AGFG1: variants seen among roughly 807,000 people sequenced by gnomAD.
AGFG1 encodes arf-GAP domain and FG repeat-containing protein 1.
A neutral mutation model predicts 60.6 loss-of-function variants in AGFG1; 10 were observed. That is an observed-to-expected ratio of 0.16 (90% CI 0.10 to 0.28). The LOEUF is 0.28. Among genes scored for constraint, AGFG1 ranks in the 10% least tolerant of loss-of-function variants. The probability of loss-of-function intolerance (pLI) is 1.00; values close to 1 mark genes in which losing one functional copy is unlikely to be tolerated. For missense variants in AGFG1, 537 were observed against 676.5 expected, an observed-to-expected ratio of 0.79 and a Z score of 2.29; for synonymous variants, 247 against 242.9, an observed-to-expected ratio of 1.02 and a Z score of -0.16.
chr2:227,474,088 A>G (rs1690209725), intron 1 of AGFG1, among the ~76,000 whole-genome samples: 2 of 152,230 alleles, frequency 1.3e-5, no homozygotes, highest in South Asian at 4.1e-4. Context: ...AGTTAATAAT[A>G]TTCTCGAATT....
rs546987888 is a variant in AGFG1, at chr2:227,497,761, T to TTTTG, written c.261+6121_261+6122insTTTG. Among the ~76,000 whole-genome samples the TTTTG allele has an allele frequency of 8.3e-3, 543 of 65,098 alleles. 20 individuals carry two copies. Among genetic ancestry groups the TTTTG allele is most frequent in the Admixed American group, 0.013 (62 of 4,668 alleles). The allele number at this position is 65,098 out of a possible 152,430, so 42.7% of individuals were successfully genotyped here. The stretch of plus-strand genomic sequence containing the variant: ...TTTTTTTTTTTTTTTTTTTTTTTTT[T>TTTTG]GGGGACGGAGTCTTACTCTGTCGCC... On this transcript the variant is annotated intron_variant, in intron 2 of 12. Coordinates refer to ENST00000310078, the MANE Select transcript of AGFG1 (RefSeq NM_004504.5).
Position 227,472,493 on chromosome 2 carries a change from G to A in AGFG1, c.72G>A (p.Pro24=), listed in dbSNP as rs1281874384. The change falls in exon 1 of 13, where the codon CCG becomes CCA. Residue 24 remains proline (P), a synonymous_variant. Coordinates refer to ENST00000310078, the MANE Select transcript of AGFG1 (RefSeq NM_004504.5). The part of the protein sequence containing the change: ...LKMLRDMTGL[P]HNRKCFDCDQ... Reference sequence around the variant, plus strand: ...TGCTGCGGGACATGACCGGCCTCCCGCACAACCGAAAGTGCTTCGACTGCG... The same window carrying A: ...TGCTGCGGGACATGACCGGCCTCCCACACAACCGAAAGTGCTTCGACTGCG... The A allele has an allele frequency of 1.9e-6, 3 of 1,580,016 alleles. No homozygotes were observed. The highest frequency in any genetic ancestry group is 2.8e-5 in the African/African-American group (2 of 71,634).
chr2:227,489,539 C>T (rs1690739646), intron 1 of AGFG1, among the ~76,000 whole-genome samples: 1 of 151,924 alleles, frequency 6.6e-6, no homozygotes. Flanking sequence ...AGAGTTTTAC[C>T]AGAATAAAAT....
At chr2:227,476,449 A>G (rs1421484313) in intron 1 of AGFG1, among the ~76,000 whole-genome samples, 1 of 152,232 alleles carries the variant, frequency 6.6e-6, no homozygotes, top group African/African-American at 2.4e-5. Context: ...AGCCTTAAAA[A>G]GTGATCCATA....
At chr2:227,483,602 A>C (rs1171806010) in intron 1 of AGFG1, among the ~76,000 whole-genome samples, 2 of 152,090 alleles carry the variant, frequency 1.3e-5, no homozygotes, top group Non-Finnish European at 2.9e-5. Flanking sequence ...GCCTTTTTTC[A>C]CTCAACATAT....
Position 227,546,511 on chromosome 2 carries a change from G to T in AGFG1, c.1379-5448G>T, listed in dbSNP as rs560492292. Among the ~76,000 whole-genome samples the T allele has an allele frequency of 4.6e-5, 7 of 152,294 alleles. No homozygotes were observed. In the South Asian group the frequency reaches 1.4e-3, roughly 32 times the overall value. The stretch of plus-strand genomic sequence containing the variant: ...TACACCCACTGTCCAACCAGTCCCA[G>T]TGAGATGAACCCAGTACCTCAGTTG... On this transcript the variant is annotated intron_variant, in intron 10 of 12. Transcript: ENST00000310078.
At position 227,477,841 on chromosome 2, in the gene AGFG1, C is replaced by T. The variant is rs1452117394; in HGVS notation, c.167+5253C>T. 3.3e-5 allele frequency among the ~76,000 whole-genome samples: 5 copies of T among 152,116 alleles called. 1 individual carries two copies. The highest frequency in any genetic ancestry group is 6.8e-3 in the Middle Eastern group (2 of 294). ...GCCAGGCTGGTCTTGAACTTCTGAC[C>T]TCAGGTGATCCACCTACCTCGGCCT... On this transcript the variant is annotated intron_variant, in intron 1 of 12. Coordinates refer to ENST00000310078, the MANE Select transcript of AGFG1 (RefSeq NM_004504.5).
At chr2:227,538,119 G>C (rs1575108626) in intron 10 of AGFG1, among the ~76,000 whole-genome samples, 2 of 152,184 alleles carry the variant, frequency 1.3e-5, no homozygotes, top group African/African-American at 4.8e-5. Flanking sequence ...TGTGTGATAT[G>C]TGCAGTGTTT....
Position 227,520,200 on chromosome 2 carries a change from T to C in AGFG1, c.377+137T>C, listed in dbSNP as rs1691784535. On this transcript the variant is annotated intron_variant, in intron 3 of 12. Coordinates refer to ENST00000310078, the MANE Select transcript of AGFG1 (RefSeq NM_004504.5). ...GGTATATAATTCATTATCCCTTGGC[T>C]TTTTGTTGGTTTGGTTTCTGAAAAC... 1.2e-5 allele frequency: 6 copies of C among 516,326 alleles called. No homozygotes were observed. The East Asian group carries it at 2.2e-4, about 19-fold the overall frequency. The allele number at this position is 516,326 out of a possible 1,614,324, so 32.0% of individuals were successfully genotyped here.
At chr2:227,513,927 A>C (rs1691574195) in intron 2 of AGFG1, among the ~76,000 whole-genome samples, 1 of 152,184 alleles carries the variant, frequency 6.6e-6, no homozygotes, top group Admixed American at 6.5e-5. Context: ...TTGAAGCATT[A>C]TGGGGAATCC....
At chr2:227,538,614 G>T (rs1411743095) in intron 10 of AGFG1, among the ~76,000 whole-genome samples, 1 of 152,210 alleles carries the variant, frequency 6.6e-6, no homozygotes. Context: ...CTTGCTGGCA[G>T]GTTTGTTGTA....
intron 3 of AGFG1, among the ~76,000 whole-genome samples, 187 bp from the exon 4 acceptor site, chr2:227,523,575 AT>A (rs779153588): frequency 3.9e-5 from 6 of 152,168 alleles, no homozygotes; most frequent in Non-Finnish European, 8.8e-5. Flanking sequence ...TATTTCAAAT[AT>A]TTAATGGGTG....
At chr2:227,526,539 C>CTTTTTT (rs777649930) in intron 5 of AGFG1, among the ~76,000 whole-genome samples, 1 of 92,486 alleles carries the variant, frequency 1.1e-5, no homozygotes, top group African/African-American at 4.4e-5. Flanking sequence ...TGCCCAGCCT[C>CTTTTTT]TTTTTTTTTT....
At chr2:227,533,783 TACAA>T in intron 7 of AGFG1, 25 bp downstream of exon 7, 1 of 1,595,002 alleles carries the variant, frequency 6.3e-7, no homozygotes, top group Non-Finnish European at 8.6e-7. Flanking sequence ...GCAAAACAAA[TACAA>T]ATTTGTGTTA....
chr2:227,480,380 G>A (rs1024355076), intron 1 of AGFG1, among the ~76,000 whole-genome samples: 8 of 151,914 alleles, frequency 5.3e-5, no homozygotes, highest in Non-Finnish European at 1.2e-4. Context: ...AAAAATTCTT[G>A]TCTTTCCATA....
chr2:227,532,365 CA>C (rs1414094620), intron 6 of AGFG1, among the ~76,000 whole-genome samples: 1 of 152,072 alleles, frequency 6.6e-6, no homozygotes, highest in African/African-American at 2.4e-5. Context: ...AGTTAGAGAA[CA>C]CAATAGTAGA....
At chr2:227,521,916 T>C (rs1430384371) in intron 3 of AGFG1, among the ~76,000 whole-genome samples, 1 of 152,168 alleles carries the variant, frequency 6.6e-6, no homozygotes, top group Non-Finnish European at 1.5e-5. Context: ...AATAGAGACT[T>C]CAAGTGGTGG....
intron 10 of AGFG1, among the ~76,000 whole-genome samples, chr2:227,545,287 G>C (rs985413569): frequency 6.6e-6 from 1 of 152,048 alleles, no homozygotes; most frequent in Non-Finnish European, 1.5e-5. Flanking sequence ...CATAGTTCTT[G>C]TGCCATGGTT....
intron 10 of AGFG1, among the ~76,000 whole-genome samples, chr2:227,537,847 A>G (rs997097872): frequency 1.3e-5 from 2 of 152,224 alleles, no homozygotes; most frequent in Non-Finnish European, 2.9e-5. Context: ...TACTTGTAAC[A>G]TTTTAATCAA....
Sources: allele counts gnomAD v4.1 joint callset (sites outside exome capture counted in the v4.1 genomes callset), GRCh38; gene constraint gnomAD v4.1.1; transcripts MANE v1.5; gene names NCBI Gene and HGNC (gene_info 2026-07-23, HGNC 2026-07-21).